ATP10B: variants seen among roughly 807,000 people sequenced by gnomAD.
ATP10B encodes ATPase phospholipid transporting 10B (putative).
Under a neutral mutation model 141.2 loss-of-function variants are expected in ATP10B, and 122 were observed. The observed-to-expected ratio is 0.86, with a 90% CI of 0.75 to 1.00. ATP10B has a LOEUF of 1.00. Ranked by LOEUF, ATP10B falls within the 50% of genes least tolerant of loss-of-function variation. The pLI is 0.00. For missense variants in ATP10B, 1,876 were observed against 1,825.3 expected (o/e 1.03, Z -0.51); for synonymous variants, 685 against 692.0 (o/e 0.99, Z 0.16).
At chr5:160,776,233 C>T (rs760193595) in intron 2 of ATP10B, among the ~76,000 whole-genome samples, 2 of 152,194 alleles carry the variant, frequency 1.3e-5, no homozygotes, top group Non-Finnish European at 2.9e-5. Context: ...ACATAGGAGG[C>T]ACCCATAAAT....
At position 160,804,136 on chromosome 5, in the gene ATP10B, G is replaced by A. The variant is rs577938569; in HGVS notation, c.-575-18333C>T. 2.0e-5 allele frequency among the ~76,000 whole-genome samples: 3 copies of A among 152,192 alleles called. No homozygotes were observed. The South Asian group carries it at 6.2e-4, about 32-fold the overall frequency. On this transcript the variant is annotated intron_variant, in intron 1 of 25. Transcript: ENST00000327245. ...ACATAGAGATAAGCAGATCTATTTGGCCAAATAGCTACTTCTATAAGGGAT... is the reference window on the plus strand; with the variant it reads ...ACATAGAGATAAGCAGATCTATTTGACCAAATAGCTACTTCTATAAGGGAT...
intron 8 of ATP10B, 64 bp from the exon 9 acceptor site, chr5:160,644,308 T>C (rs374320097): frequency 8.8e-7 from 1 of 1,133,168 alleles, no homozygotes. Context: ...CACTGGGTAC[T>C]GTCACAGAAC....
intron 1 of ATP10B, among the ~76,000 whole-genome samples, chr5:160,798,430 A>T (rs565615413): frequency 6.6e-6 from 1 of 152,330 alleles, no homozygotes; most frequent in South Asian, 2.1e-4. Flanking sequence ...GAGAAAACAG[A>T]TGCAGAGACA....
Position 160,644,227 on chromosome 5 carries a change from G to T in ATP10B, c.779C>A (p.Thr260Asn), listed in dbSNP as rs201317411. Residue 260 changes from threonine (T) to asparagine (N), a missense_variant, in exon 9 of 26, where the codon ACC becomes AAC. Transcript: ENST00000327245. ...ACTCTCACAGCCAAAGCCAGTCCTG[G>T]TCTGGTCAGGATGCTCCCTGGGGAT... ...FKGYMEHPDQ[T>N]RTGFGCESLL... 126 of 1,613,876 alleles carry T rather than the reference G, an allele frequency of 7.8e-5. No homozygotes were observed. The African/African-American group carries it at 7.9e-4, about 10-fold the overall frequency.
At chr5:160,726,866 T>G (rs1031871287) in intron 2 of ATP10B, among the ~76,000 whole-genome samples, 1 of 151,950 alleles carries the variant, frequency 6.6e-6, no homozygotes, top group Non-Finnish European at 1.5e-5. Context: ...ATTGCCTCCT[T>G]TGGAAAGACT....
intron 1 of ATP10B, among the ~76,000 whole-genome samples, chr5:160,815,547 A>G (rs1773540595): frequency 6.8e-6 from 1 of 147,138 alleles, no homozygotes; most frequent in East Asian, 2.0e-4. Flanking sequence ...AGAGACTTAG[A>G]CTCCCACACA....
the ATP10B span, among the ~76,000 whole-genome samples, chr5:160,874,754 C>T: frequency 2.0e-3 from 301 of 151,374 alleles, 1 homozygote; most frequent in African/African-American, 6.8e-3. Flanking sequence ...CCTCAGGAGC[C>T]GATGCGATCA....
the ATP10B span, among the ~76,000 whole-genome samples, chr5:160,878,537 G>T: frequency 6.6e-6 from 1 of 152,008 alleles, no homozygotes; most frequent in South Asian, 2.1e-4. Context: ...TGACAAATGG[G>T]ATCTAATTAA....
chr5:160,588,456 G>T (rs1756059461), intron 24 of ATP10B, among the ~76,000 whole-genome samples: 1 of 152,030 alleles, frequency 6.6e-6, no homozygotes. Flanking sequence ...GCCTACTTGG[G>T]GCTATTTTCC....
intron 22 of ATP10B, 31 bp from the exon 23 acceptor site, chr5:160,591,170 A>C (rs1581164012): frequency 6.3e-7 from 1 of 1,582,656 alleles, no homozygotes; most frequent in African/African-American, 1.4e-5. Context: ...AATAATTATC[A>C]CCCTTATAGC....
In ATP10B at chr5:160,612,721, A is replaced by C; in HGVS notation, c.2838+20T>G. The stretch of plus-strand genomic sequence containing the variant: ...CTACACGTTGATATCTGCAGATATC[A>C]ATACAGAGAATCACCTCACCTGATT... On this transcript the variant is annotated intron_variant, in intron 18 of 25. Coordinates refer to ENST00000327245, the MANE Select transcript of ATP10B (RefSeq NM_025153.3). 1 of 1,603,714 alleles carries C rather than the reference A, an allele frequency of 6.2e-7. No homozygotes were observed. Among genetic ancestry groups the C allele is most frequent in the Non-Finnish European group, 8.5e-7 (1 of 1,172,342 alleles).
At chr5:160,575,655 C>A (rs1014100594) in intron 24 of ATP10B, among the ~76,000 whole-genome samples, 3 of 151,878 alleles carry the variant, frequency 2.0e-5, no homozygotes, top group Non-Finnish European at 4.4e-5. Flanking sequence ...TAACAACAAC[C>A]CACTAAATTC....
chr5:160,775,072 C>G (rs141012076), intron 2 of ATP10B, among the ~76,000 whole-genome samples: 1 of 152,232 alleles, frequency 6.6e-6, no homozygotes, highest in South Asian at 2.1e-4. Flanking sequence ...GTTTGTTTGA[C>G]TCCTTTGAAC....
At chr5:160,726,149 G>A (rs993169367) in intron 2 of ATP10B, among the ~76,000 whole-genome samples, 16 of 152,048 alleles carry the variant, frequency 1.1e-4, no homozygotes, top group African/African-American at 3.9e-4. Flanking sequence ...TCACTAAGAC[G>A]TTGCTTCATA....
In ATP10B at chr5:160,634,659, G is replaced by T. The variant is rs549651374; in HGVS notation, c.1129-53C>A. On this transcript the variant is annotated intron_variant, in intron 11 of 25. Transcript: ENST00000327245. ...AGAAACCAGGCAGGTTCCCTCCCTT[G>T]GGATCCTCACTAGCAGGTAGCAAAG... The T allele has an allele frequency of 1.9e-6, 3 of 1,544,864 alleles. No homozygotes were observed. The South Asian group carries it at 3.9e-5, about 20-fold the overall frequency.
chr5:160,688,162 C>T, intron 4 of ATP10B, 68 bp from the exon 5 acceptor site: 1 of 1,492,654 alleles, frequency 6.7e-7, no homozygotes, highest in Non-Finnish European at 9.0e-7. Flanking sequence ...TTCATTTCTC[C>T]CCCATCCATG....
intron 1 of ATP10B, among the ~76,000 whole-genome samples, chr5:160,847,858 T>G (rs987481648): frequency 3.9e-5 from 6 of 152,306 alleles, no homozygotes; most frequent in African/African-American, 1.4e-4. Flanking sequence ...AAATCTATTT[T>G]CTAGTGTCGG....
chr5:160,769,408 C>T (rs1380565710), intron 2 of ATP10B, among the ~76,000 whole-genome samples: 1 of 152,208 alleles, frequency 6.6e-6, no homozygotes, highest in Admixed American at 6.5e-5. Flanking sequence ...AAGGCCCACA[C>T]AATTGCTCTA....
At chr5:160,606,709 C>A (rs1341940493) in intron 19 of ATP10B, 56 bp downstream of exon 19, 4 of 1,554,400 alleles carry the variant, frequency 2.6e-6, no homozygotes, top group African/African-American at 1.4e-5. Flanking sequence ...TCTGGTCCAG[C>A]CTTTCATCAG....
Sources: allele counts gnomAD v4.1 joint callset (sites outside exome capture counted in the v4.1 genomes callset), GRCh38; gene constraint gnomAD v4.1.1; transcripts MANE v1.5; gene names NCBI Gene and HGNC (gene_info 2026-07-23, HGNC 2026-07-21).